Variants in SLC22A11 observed in about 807,000 individuals in gnomAD.
SLC22A11 encodes organic anion transporter 4.
Under a neutral mutation model 49.4 loss-of-function variants are expected in SLC22A11, and 42 were observed. The ratio of observed to expected loss-of-function variants is 0.85; its 90% CI spans 0.66 to 1.10. The LOEUF (loss-of-function observed/expected upper bound fraction) is 1.10. Ranked by LOEUF, SLC22A11 falls within the 50% of genes least tolerant of loss-of-function variation. The pLI, the probability that SLC22A11 is intolerant of heterozygous loss-of-function variation, is 0.00. For missense variants in SLC22A11, 685 were observed against 731.6 expected (o/e 0.94, Z 0.74); for synonymous variants, 304 against 315.8 (o/e 0.96, Z 0.40).
rs2038556878 is a variant in SLC22A11 at position 64,562,165 on chromosome 11, C to A, written c.652+7C>A. The A allele has an allele frequency of 1.2e-6, 2 of 1,612,538 alleles. No individual in the cohort carries two copies. The highest frequency in any genetic ancestry group is 1.3e-5 in the African/African-American group (1 of 74,932). On this transcript the variant is annotated splice_region_variant and intron_variant, in intron 3 of 9. Coordinates refer to ENST00000301891, the MANE Select transcript of SLC22A11 (RefSeq NM_018484.4). The surrounding 1 kb of genome is among the most constrained non-coding windows in gnomAD (Gnocchi z 4.4). ...CTGAGTTCACTGACACTGAGTGAGT[C>A]CCCGGCTCAGCGCGCTCCTGCCATG... is the stretch of plus-strand genomic sequence containing the variant.
chr11:64,570,000 C>A (rs1161304524), intron 9 of SLC22A11, 142 bp downstream of exon 9: 2 of 724,136 alleles, frequency 2.8e-6, no homozygotes, highest in African/African-American at 1.8e-5. Flanking sequence ...AACAATCCTG[C>A]CAGAAATGTA....
chr11:64,567,554 C>G, intron 6 of SLC22A11, 45 bp from the exon 7 acceptor site: 2 of 1,586,772 alleles, frequency 1.3e-6, no homozygotes, highest in Non-Finnish European at 8.6e-7. Context: ...TTGGGGTGCC[C>G]TCTCCCCGGC....
rs1388051568 is a variant in SLC22A11 at position 64,571,374 on chromosome 11, A to G, written c.*332A>G. ...TTTACACCTTCACTCAGCCACGCCA[A>G]CCAGAGACTGGGTTCCAATCTCACC... On this transcript the variant is annotated 3_prime_UTR_variant, in exon 10 of 10. Coordinates refer to ENST00000301891, the MANE Select transcript of SLC22A11 (RefSeq NM_018484.4). 6 of 300,718 alleles carry G rather than the reference A, an allele frequency of 2.0e-5. No individual in the cohort carries two copies. The highest frequency in any genetic ancestry group is 3.8e-5 in the Non-Finnish European group (6 of 158,914). 18.6% of individuals were successfully genotyped at this position (300,718 alleles called of 1,614,324 possible).
intron 6 of SLC22A11, chr11:64,566,296 G>A (rs1690159706): frequency 6.6e-6 from 1 of 151,490 alleles, no homozygotes; most frequent in South Asian, 2.1e-4. Context: ...CTTTTATCTT[G>A]AAATAAAACT....
Position 64,567,615 on chromosome 11 carries a change from T to A in SLC22A11, c.1075T>A (p.Ser359Thr). Residue 359 changes from serine to threonine, a missense_variant, in exon 7 of 10, where the codon TCC (serine) becomes ACC (threonine). Transcript: ENST00000301891. ...TGCCCGCAGTTTCTCTCTATTGATC[T>A]CCTACTATGGGCTGGTCTTCGACCT... ...MLVVNFSLLI[S>T]YYGLVFDLQS... is the part of the protein sequence containing the mutation. 6.2e-7 allele frequency: 1 copy of A among 1,614,034 alleles called. No homozygotes were observed. The highest frequency in any genetic ancestry group is 2.2e-5 in the East Asian group (1 of 44,878).
At position 64,571,322 on chromosome 11, in the gene SLC22A11, C is replaced by T. The variant is rs1039583553; in HGVS notation, c.*280C>T. The stretch of plus-strand genomic sequence containing the variant: ...GCCCAACCAATAACGAGACGGTTCC[C>T]CTCCCTTTCCCTGCCAGGCTCATGT... On this transcript the variant is annotated 3_prime_UTR_variant, in exon 10 of 10. Coordinates refer to ENST00000301891, the MANE Select transcript of SLC22A11 (RefSeq NM_018484.4). The T allele has an allele frequency of 4.6e-6, 2 of 432,758 alleles. No individual in the cohort carries two copies. The highest frequency in any genetic ancestry group is 7.7e-5 in the Admixed American group (2 of 25,886). The allele number at this position is 432,758 out of a possible 1,614,324, so 26.8% of individuals were successfully genotyped here.
Position 64,564,327 on chromosome 11 carries a change from C to G in SLC22A11, c.841C>G (p.Arg281Gly). The G allele has an allele frequency of 6.2e-7, 1 of 1,614,074 alleles. No individual in the cohort carries two copies. Among genetic ancestry groups the G allele is most frequent in the Non-Finnish European group, 8.5e-7 (1 of 1,180,022 alleles). Residue 281 changes from arginine to glycine, a missense_variant, in exon 5 of 10, where the codon CGG (arginine) becomes GGG (glycine). By Grantham distance (125) the Arg-to-Gly change is moderately radical. Coordinates refer to ENST00000301891, the MANE Select transcript of SLC22A11 (RefSeq NM_018484.4). The surrounding 1 kb of genome is among the most constrained non-coding windows in gnomAD (Gnocchi z 4.2). ...LISWWLPESA[R>G]WLIIKGKPDQ... ...TTACAGGTGGCTGCCAGAATCCGCC[C>G]GGTGGCTGATTATTAAGGGCAAACC...
Position 64,562,140 on chromosome 11 carries a change from C to T in SLC22A11, c.634C>T (p.Leu212=), listed in dbSNP as rs201238943. ...VAAFGMAGIF[L]SSLTLMVEWT... is the part of the protein sequence containing the mutation. Reference sequence around the variant, plus strand: ...CGCTTTTGGGATGGCCGGCATCTTTCTGAGTTCACTGACACTGAGTGAGTC... The same window carrying T: ...CGCTTTTGGGATGGCCGGCATCTTTTTGAGTTCACTGACACTGAGTGAGTC... Residue 212 remains leucine, a synonymous_variant, in exon 3 of 10, where the codon CTG becomes TTG. Transcript: ENST00000301891. This position sits in a 1 kb window ranked among gnomAD's most constrained non-coding sequence, Gnocchi z 4.4. The T allele has an allele frequency of 2.0e-5, 32 of 1,613,760 alleles. No homozygotes were observed. In the African/African-American group the frequency reaches 3.6e-4, roughly 18 times the overall value.
In SLC22A11 at chr11:64,571,066, T is replaced by G; in HGVS notation, c.*24T>G. On this transcript the variant is annotated 3_prime_UTR_variant, in exon 10 of 10. Transcript: ENST00000301891. ...AGAAATTGTGCCTGCATGGAGCCCC[T>G]TTAGTCAAAGACTCCTGGAAAGGAG... The G allele has an allele frequency of 6.2e-7, 1 of 1,613,790 alleles. No homozygotes were observed. The highest frequency in any genetic ancestry group is 8.5e-7 in the Non-Finnish European group (1 of 1,179,702).
At chr11:64,563,990 A>G (rs17300741) in intron 4 of SLC22A11, among the ~76,000 whole-genome samples, 66,589 of 151,860 alleles carry the variant, frequency 0.44, 15,579 homozygotes, top group Non-Finnish European at 0.53. Flanking sequence ...CTGGTGAAGC[A>G]GCCAACTCTA....
At chr11:64,569,507 G>T (rs969254228) in intron 8 of SLC22A11, 145 bp from the exon 9 acceptor site, 6 of 788,446 alleles carry the variant, frequency 7.6e-6, no homozygotes, top group Non-Finnish European at 1.2e-5. Context: ...GGTGGGCTCC[G>T]TGGAGGAGGT....
rs1325049267 is a variant in SLC22A11 at position 64,562,386 on chromosome 11, C to G, written c.772C>G (p.Leu258Val). 1 of 1,606,084 alleles carries G rather than the reference C, an allele frequency of 6.2e-7. No homozygotes were observed. Among genetic ancestry groups the G allele is most frequent in the East Asian group, 2.2e-5 (1 of 44,654 alleles). The change falls in exon 4 of 10, where the codon CTC (leucine) becomes GTC (valine). Residue 258 changes from leucine (L) to valine (V), a missense_variant. Leu to Val is a conservative substitution (Grantham distance 32). Coordinates refer to ENST00000301891, the MANE Select transcript of SLC22A11 (RefSeq NM_018484.4). This position sits in a 1 kb window ranked among gnomAD's most constrained non-coding sequence, Gnocchi z 4.4. ...CTTTGCCCTGCGGGACTGGAGGACT[C>G]TCCAGCTGGCAGCATCAGTGCCCTT... Reference protein sequence around the residue: ...LAFALRDWRTLQLAASVPFFA... With the variant: ...LAFALRDWRTVQLAASVPFFA...
At chr11:64,561,762 G>A (rs371842777) in intron 2 of SLC22A11, among the ~76,000 whole-genome samples, 6 of 151,868 alleles carry the variant, frequency 4.0e-5, no homozygotes, top group African/African-American at 1.2e-4. Context: ...ATGAACCACC[G>A]TGCCTGGCCC....
At chr11:64,563,871 G>A (rs1344612054) in intron 4 of SLC22A11, among the ~76,000 whole-genome samples, 5 of 151,426 alleles carry the variant, frequency 3.3e-5, no homozygotes, top group Admixed American at 6.6e-5. Flanking sequence ...AGCCAAGATC[G>A]CACCACTACA....
rs971353359 is a variant in SLC22A11, at chr11:64,571,173, C to T, written c.*131C>T. On this transcript the variant is annotated 3_prime_UTR_variant, in exon 10 of 10. Coordinates refer to ENST00000301891, the MANE Select transcript of SLC22A11 (RefSeq NM_018484.4). ...ATGGCAGAGGCCAGGCAGCCGTGGC[C>T]GAGTGGACAGCGTGGCCGTCTGCTG... is the stretch of plus-strand genomic sequence containing the variant. 2.1e-5 allele frequency: 20 copies of T among 961,052 alleles called. No individual in the cohort carries two copies. Among genetic ancestry groups the T allele is most frequent in the African/African-American group, 1.8e-4 (11 of 61,908 alleles). The allele number at this position is 961,052 out of a possible 1,614,324, so 59.5% of individuals were successfully genotyped here. A position where few individuals can be genotyped will look rare whatever the true frequency, so the allele number is the denominator to read the frequency against.
At chr11:64,561,602 AATTTATTTATTTATTT>A (rs35789932) in intron 2 of SLC22A11, among the ~76,000 whole-genome samples, 9,554 of 144,880 alleles carry the variant, frequency 0.066, 1,089 homozygotes, top group African/African-American at 0.23. Context: ...ACACCTGGCT[AATTTATTTATTTATTT>A]ATTTATTTAT....
rs2038598650 is a variant in SLC22A11, at chr11:64,564,629, C to A, written c.942+201C>A. ...ACCACCACCAATCCCGATACCATCACCAACAGCACCACCACTGTCCACACC... is the reference window on the plus strand; with the variant it reads ...ACCACCACCAATCCCGATACCATCAACAACAGCACCACCACTGTCCACACC... On this transcript the variant is annotated intron_variant, in intron 5 of 9. Coordinates refer to ENST00000301891, the MANE Select transcript of SLC22A11 (RefSeq NM_018484.4). This position sits in a 1 kb window ranked among gnomAD's most constrained non-coding sequence, Gnocchi z 4.2. Among the ~76,000 whole-genome samples, 2 of 151,866 alleles carry A rather than the reference C, an allele frequency of 1.3e-5. No individual in the cohort carries two copies. The highest frequency in any genetic ancestry group is 2.4e-5 in the African/African-American group (1 of 41,300).
In SLC22A11 at chr11:64,564,265, G is replaced by C. The variant is rs1458971725; in HGVS notation, c.822-43G>C. 3.1e-6 allele frequency: 5 copies of C among 1,610,846 alleles called. No individual in the cohort carries two copies. The highest frequency in any genetic ancestry group is 1.1e-5 in the South Asian group (1 of 90,826). On this transcript the variant is annotated intron_variant, in intron 4 of 9. Coordinates refer to ENST00000301891, the MANE Select transcript of SLC22A11 (RefSeq NM_018484.4). This position sits in a 1 kb window ranked among gnomAD's most constrained non-coding sequence, Gnocchi z 4.2. ...CCCCTTTCCACCCCGCCCCGGGGGA[G>C]AGCCCAGCGTGCACTCCCAGCTACA...
intron 1 of SLC22A11, among the ~76,000 whole-genome samples, chr11:64,557,358 C>T (rs953818139): frequency 6.6e-6 from 1 of 152,166 alleles, no homozygotes; most frequent in African/African-American, 2.4e-5. Context: ...GCATGAGGGA[C>T]AAAAGCAAGG....
Sources: allele counts gnomAD v4.1 joint callset (sites outside exome capture counted in the v4.1 genomes callset), GRCh38; gene constraint gnomAD v4.1.1; non-coding constraint Gnocchi (gnomAD v3.1); transcripts MANE v1.5; gene names NCBI Gene and HGNC (gene_info 2026-07-23, HGNC 2026-07-21).